Variants in FBN2 observed in about 807,000 individuals in gnomAD.
The protein encoded by FBN2 is fibrillin 2.
Under a neutral mutation model 355.6 loss-of-function variants are expected in FBN2, and 105 were observed. That is an observed-to-expected ratio of 0.30 (90% CI 0.25 to 0.35). The LOEUF is 0.35. FBN2 is among the 10% of genes least tolerant of loss of function. The pLI, the probability that FBN2 is intolerant of heterozygous loss-of-function variation, is 1.00. For synonymous variants in FBN2, 1,350 were observed against 1,301.2 expected, an observed-to-expected ratio of 1.04 and a Z score of -0.81; for missense variants, 3,280 against 3,758.7, an observed-to-expected ratio of 0.87 and a Z score of 3.33.
At chr5:128,271,631 A>G (rs1431766148) in intron 62 of FBN2, among the ~76,000 whole-genome samples, 1 of 152,132 alleles carries the variant, frequency 6.6e-6, no homozygotes, top group South Asian at 2.1e-4. Context: ...TTAGATTCGT[A>G]TGAGGGGAAT....
At chr5:128,422,770 C>T (rs1024855257) in intron 7 of FBN2, among the ~76,000 whole-genome samples, 8 of 152,096 alleles carry the variant, frequency 5.3e-5, no homozygotes, top group Admixed American at 4.6e-4. Flanking sequence ...ACAGATGTTA[C>T]AAAACTTTAC....
chr5:128,327,582 T>TA (rs1750587834), intron 34 of FBN2, among the ~76,000 whole-genome samples: 1 of 151,898 alleles, frequency 6.6e-6, no homozygotes, highest in South Asian at 2.1e-4. Flanking sequence ...ATTTTTTTTT[T>TA]TTTCATGAGG....
chr5:128,281,038 C>T (rs1765530657), intron 55 of FBN2, among the ~76,000 whole-genome samples: 1 of 152,072 alleles, frequency 6.6e-6, no homozygotes, highest in Admixed American at 6.6e-5. Context: ...CATCTTTATA[C>T]TTAAAATTTT....
Position 128,345,372 on chromosome 5 carries a change from GC to G in FBN2, c.3201del (p.Arg1068GlyfsTer39). The G allele has an allele frequency of 6.2e-7, 1 of 1,614,020 alleles. No individual in the cohort carries two copies. The highest frequency in any genetic ancestry group is 2.2e-5 in the East Asian group (1 of 44,856). On this transcript the variant is annotated frameshift_variant, in exon 24 of 65. Transcript: ENST00000262464. LOFTEE classifies it high-confidence loss of function. The stretch of plus-strand genomic sequence containing the variant: ...AGGCAGTTACCTTTGTAAAATGGCC[GC>G]CCAGTAAGAACATCCCCTCGGTTAG... ...GFANRGDVLTGRPFYKDINEC... is the reference protein window; with the variant it reads ...GFANRGDVLTXRPFYKDINEC...
At chr5:128,317,151 A>AG (rs1750224487) in intron 36 of FBN2, among the ~76,000 whole-genome samples, 1 of 152,066 alleles carries the variant, frequency 6.6e-6, no homozygotes, top group Non-Finnish European at 1.5e-5. Context: ...CCCTCCTTAA[A>AG]GGCTGTGACT....
At chr5:128,298,557 A>T (rs1474043083) in intron 48 of FBN2, among the ~76,000 whole-genome samples, 1 of 151,070 alleles carries the variant, frequency 6.6e-6, no homozygotes, top group Non-Finnish European at 1.5e-5. Context: ...TTTTTCTCTA[A>T]ACTTCCCTTC....
At chr5:128,463,731 G>A (rs1581319209) in intron 6 of FBN2, among the ~76,000 whole-genome samples, 1 of 152,128 alleles carries the variant, frequency 6.6e-6, no homozygotes, top group East Asian at 1.9e-4. Flanking sequence ...TTGCTACAAT[G>A]TAAGATTTAC....
chr5:128,320,632 C>A (rs972561175), intron 34 of FBN2, among the ~76,000 whole-genome samples: 1 of 152,034 alleles, frequency 6.6e-6, no homozygotes, highest in African/African-American at 2.4e-5. Flanking sequence ...GATAAATATT[C>A]AAAAATTCAA....
chr5:128,457,716 A>G (rs1214340601), intron 6 of FBN2, among the ~76,000 whole-genome samples: 6 of 152,202 alleles, frequency 3.9e-5, no homozygotes, highest in African/African-American at 1.2e-4. Flanking sequence ...CTTCATAAGC[A>G]AAGGGGAAAT....
rs545609807 is a variant in FBN2, at chr5:128,376,983, T to A, written c.1850-130A>T. 323 of 1,154,166 alleles carry A rather than the reference T, an allele frequency of 2.8e-4. 2 individuals carry two copies. The highest frequency in any genetic ancestry group is 7.3e-4 in the Admixed American group (39 of 53,658). 71.5% of individuals were successfully genotyped at this position (1,154,166 alleles called of 1,614,324 possible). ...TGTGCTCATGGCTTTTAGTTTTTTT[T>A]AAAAAAAGAACGCCAACTGAATGAG... On this transcript the variant is annotated intron_variant, in intron 13 of 64. Transcript: ENST00000262464.
At chr5:128,442,580 A>G (rs1161211831) in intron 7 of FBN2, among the ~76,000 whole-genome samples, 2 of 152,240 alleles carry the variant, frequency 1.3e-5, no homozygotes, top group African/African-American at 4.8e-5. Flanking sequence ...CCACCAAAGA[A>G]TAATTTTATC....
rs774598343 is a variant in FBN2 at position 128,374,770 on chromosome 5, A to G, written c.1973-20T>C. ...CAACATCTGTGCAGTGGGTGACAGAAGCCAAGCAGTTACTGGGTAAATTTA... is the reference window on the plus strand; with the variant it reads ...CAACATCTGTGCAGTGGGTGACAGAGGCCAAGCAGTTACTGGGTAAATTTA... On this transcript the variant is annotated intron_variant, in intron 14 of 64. Transcript: ENST00000262464. 29 of 1,613,594 alleles carry G rather than the reference A, an allele frequency of 1.8e-5. No individual in the cohort carries two copies. In the Admixed American group the frequency reaches 4.5e-4, roughly 25 times the overall value.
At chr5:128,535,125 G>T (rs1756813493) in intron 2 of FBN2, among the ~76,000 whole-genome samples, 1 of 152,068 alleles carries the variant, frequency 6.6e-6, no homozygotes, top group African/African-American at 2.4e-5. Context: ...TAAAGCAAAG[G>T]CTTATTATAA....
In FBN2 at chr5:128,309,835, T is replaced by C. The variant is rs76244360; in HGVS notation, c.5200+148A>G. 6.2e-3 allele frequency: 5,616 copies of C among 905,294 alleles called. 222 individuals are homozygous for C. In the African/African-American group the frequency reaches 0.079, roughly 13 times the overall value. 56.1% of individuals were successfully genotyped at this position (905,294 alleles called of 1,614,324 possible). ...GTATACCCAAAGGTCAAAAACTTGA[T>C]ACTAAGCCAGCAGCTTGCAAGACTC... is the stretch of plus-strand genomic sequence containing the variant. On this transcript the variant is annotated intron_variant, in intron 40 of 64. Transcript: ENST00000262464.
intron 6 of FBN2, among the ~76,000 whole-genome samples, chr5:128,463,885 G>A (rs988880775): frequency 6.6e-6 from 1 of 152,070 alleles, no homozygotes; most frequent in Non-Finnish European, 1.5e-5. Context: ...TATTATTTAT[G>A]TGAATAATAC....
chr5:128,399,922 A>G (rs1169835342), intron 8 of FBN2, among the ~76,000 whole-genome samples: 2 of 152,056 alleles, frequency 1.3e-5, no homozygotes, highest in African/African-American at 4.8e-5. Flanking sequence ...CAAAAAAAGT[A>G]AGATAAGTAG....
Position 128,369,304 on chromosome 5 carries a change from C to T in FBN2, c.2126G>A (p.Gly709Glu). The T allele has an allele frequency of 2.5e-6, 4 of 1,614,104 alleles. No homozygotes were observed. The highest frequency in any genetic ancestry group is 1.1e-5 in the South Asian group (1 of 91,076). ...DTHMRSTCYG[G>E]IKKGVCVRPF... Reference sequence around the variant, plus strand: ...ACGCACACACACTCCTTTCTTGATTCCTCCATAGCAGGTACTGCGCATGTG... The same window carrying T: ...ACGCACACACACTCCTTTCTTGATTTCTCCATAGCAGGTACTGCGCATGTG... The change falls in exon 16 of 65, where the codon GGA becomes GAA. Residue 709 changes from glycine to glutamate, a missense_variant. Physicochemically the swap from Gly to Glu is moderately conservative, Grantham distance 98. Coordinates refer to ENST00000262464, the MANE Select transcript of FBN2 (RefSeq NM_001999.4).
intron 7 of FBN2, among the ~76,000 whole-genome samples, chr5:128,417,914 T>C (rs576274318): frequency 6.6e-6 from 1 of 152,298 alleles, no homozygotes; most frequent in African/African-American, 2.4e-5. Flanking sequence ...TTAGTTCTTC[T>C]TTATAATTTT....
chr5:128,369,760 T>C lies in FBN2; in HGVS notation c.2096-426A>G, dbSNP rs530804418. On this transcript the variant is annotated intron_variant, in intron 15 of 64. Coordinates refer to ENST00000262464, the MANE Select transcript of FBN2 (RefSeq NM_001999.4). ...ATCAAGTTAAACTACCTTGAGGTGA[T>C]ACTGGCTTGGGCGTGAGATTTCTTA... 1.5e-4 allele frequency among the ~76,000 whole-genome samples: 23 copies of C among 152,346 alleles called. No homozygotes were observed. The South Asian group carries it at 4.6e-3, about 30-fold the overall frequency.
Sources: allele counts gnomAD v4.1 joint callset (sites outside exome capture counted in the v4.1 genomes callset), GRCh38; gene constraint gnomAD v4.1.1; transcripts MANE v1.5; gene names NCBI Gene and HGNC (gene_info 2026-07-23, HGNC 2026-07-21).